CD8B2: variants seen among roughly 807,000 people sequenced by gnomAD.
CD8B2 encodes the protein T-cell surface glycoprotein CD8 beta-2 chain.
A neutral mutation model predicts 23.7 loss-of-function variants in CD8B2; 11 were observed. The ratio of observed to expected loss-of-function variants is 0.46; its 90% confidence interval spans 0.29 to 0.77. The LOEUF (loss-of-function observed/expected upper bound fraction) is 0.77. CD8B2 is among the 30% of genes least tolerant of loss of function. The probability of loss-of-function intolerance (pLI) is 0.09; values close to 1 mark genes in which losing one functional copy is unlikely to be tolerated. For missense variants in CD8B2, 197 were observed against 270.5 expected, an observed-to-expected ratio of 0.73 and a Z score of 1.91; for synonymous variants, 90 against 109.3, an observed-to-expected ratio of 0.82 and a Z score of 1.10.
At chr2:106,542,592 G>T (rs988192836) in intron 5 of CD8B2, among the ~76,000 whole-genome samples, 1 of 149,490 alleles carries the variant, frequency 6.7e-6, no homozygotes, top group South Asian at 2.1e-4. Flanking sequence ...AGGATGTAAA[G>T]AAATCCTTCC....
At chr2:106,531,614 G>A (rs949544551) in intron 5 of CD8B2, among the ~76,000 whole-genome samples, 4 of 152,252 alleles carry the variant, frequency 2.6e-5, no homozygotes, top group Middle Eastern at 3.4e-3. Flanking sequence ...AGGTCATGGG[G>A]TGGGAAATGT....
intron 3 of CD8B2, among the ~76,000 whole-genome samples, chr2:106,500,555 A>ATT (rs1237957454): frequency 6.1e-4 from 93 of 151,284 alleles, no homozygotes; most frequent in Admixed American, 1.8e-3. Flanking sequence ...TAAATAAATA[A>ATT]ATAAATAATT....
intron 2 of CD8B2, among the ~76,000 whole-genome samples, chr2:106,494,467 CTTTTCTTTTT>C (rs1679260953): frequency 1.4e-5 from 2 of 140,958 alleles, no homozygotes; most frequent in Non-Finnish European, 3.2e-5. Flanking sequence ...CTTTTCTTTT[CTTTTCTTTTT>C]TTTTTTCTGT....
intron 5 of CD8B2, among the ~76,000 whole-genome samples, chr2:106,504,857 G>C (rs1679475544): frequency 6.6e-6 from 1 of 152,126 alleles, no homozygotes; most frequent in Non-Finnish European, 1.5e-5. Flanking sequence ...GATCAGTGGA[G>C]AGACTACTGG....
chr2:106,522,763 G>A (rs1283924748), intron 5 of CD8B2, among the ~76,000 whole-genome samples: 1 of 152,166 alleles, frequency 6.6e-6, no homozygotes, highest in Middle Eastern at 3.2e-3. Flanking sequence ...TCCCTGAGCA[G>A]TTAATGTAGA....
chr2:106,536,390 AG>A (rs1680089675), intron 5 of CD8B2, among the ~76,000 whole-genome samples: 1 of 152,110 alleles, frequency 6.6e-6, no homozygotes, highest in Non-Finnish European at 1.5e-5. Context: ...ACAGCAGCAA[AG>A]GGAGAAATCC....
intron 2 of CD8B2, among the ~76,000 whole-genome samples, chr2:106,494,363 G>C (rs1471385534): frequency 6.6e-6 from 1 of 152,098 alleles, no homozygotes; most frequent in African/African-American, 2.4e-5. Context: ...GGCCAGGCTG[G>C]TCTTGGATTC....
At chr2:106,517,078 TATTTATTAATTTTAATATTC>T (rs1679740937) in intron 5 of CD8B2, among the ~76,000 whole-genome samples, 1 of 150,632 alleles carries the variant, frequency 6.6e-6, no homozygotes, top group Admixed American at 6.6e-5. Flanking sequence ...TCATTAATAA[TATTTATTAATTTTAATATTC>T]ATTTATTACT....
At position 106,510,247 on chromosome 2, in the gene CD8B2, G is replaced by A. The variant is rs145752315; in HGVS notation, c.*3307G>A. 6.6e-6 allele frequency: 1 copy of A among 152,154 alleles called. No individual in the cohort carries two copies. The highest frequency in any genetic ancestry group is 1.5e-5 in the Non-Finnish European group (1 of 68,024). The allele number at this position is 152,154 out of a possible 1,614,324, so 9.4% of individuals were successfully genotyped here. A position where few individuals can be genotyped will look rare whatever the true frequency, so the allele number is the denominator to read the frequency against. ...GGGAGCATGAGGTTTGAAGGTGAGCGTTTCTGCTTCTCAATCTGGGAATCA... is the reference window on the plus strand; with the variant it reads ...GGGAGCATGAGGTTTGAAGGTGAGCATTTCTGCTTCTCAATCTGGGAATCA... On this transcript the variant is annotated 3_prime_UTR_variant, in exon 6 of 6. Transcript: ENST00000643224.
Position 106,487,418 on chromosome 2 carries a change from C to A in CD8B2, c.-9C>A, listed in dbSNP as rs1199958522. 6 of 1,238,542 alleles carry A rather than the reference C, an allele frequency of 4.8e-6. No homozygotes were observed. The highest frequency in any genetic ancestry group is 4.7e-5 in the African/African-American group (3 of 64,208). The allele number at this position is 1,238,542 out of a possible 1,614,324, so 76.7% of individuals were successfully genotyped here. A position where few individuals can be genotyped will look rare whatever the true frequency, so the allele number is the denominator to read the frequency against. On this transcript the variant is annotated 5_prime_UTR_variant, in exon 1 of 6. Transcript: ENST00000643224. ...AGCCCCCGGGGCCAGGTGTCCCGGG[C>A]GCGCCCCGATGCGGCCGCGGCTGTG...
intron 4 of CD8B2, among the ~76,000 whole-genome samples, chr2:106,503,975 A>C (rs1174841605): frequency 1.3e-5 from 2 of 152,224 alleles, no homozygotes; most frequent in Non-Finnish European, 2.9e-5. Context: ...CAGACTCTGC[A>C]GCTGATTAAT....
Position 106,531,613 on chromosome 2 carries a change from G to T in CD8B2, c.621-12379G>T, listed in dbSNP as rs752442072. 7.4e-4 allele frequency among the ~76,000 whole-genome samples: 113 copies of T among 152,082 alleles called. 1 individual carries two copies. The highest frequency in any genetic ancestry group is 1.1e-3 in the Non-Finnish European group (73 of 68,014). ...CCTCTCAAGCCTGGTTAGGTCATGGGGTGGGAAATGTATGGGATTCACTAT... is the reference window on the plus strand; with the variant it reads ...CCTCTCAAGCCTGGTTAGGTCATGGTGTGGGAAATGTATGGGATTCACTAT... On this transcript the variant is annotated intron_variant, in intron 5 of 5. Transcript: ENST00000416057.
chr2:106,518,000 C>A (rs1573344162), intron 5 of CD8B2, among the ~76,000 whole-genome samples: 1 of 152,298 alleles, frequency 6.6e-6, no homozygotes, highest in East Asian at 1.9e-4. Context: ...AGGCGGGAGC[C>A]ACCGCGCCCA....
chr2:106,499,353 C>T (rs1472557352), intron 3 of CD8B2, among the ~76,000 whole-genome samples: 4 of 151,832 alleles, frequency 2.6e-5, no homozygotes, highest in African/African-American at 9.7e-5. Flanking sequence ...ATCAACATGG[C>T]GAAACCCGTC....
intron 5 of CD8B2, among the ~76,000 whole-genome samples, chr2:106,516,974 T>A (rs1679739105): frequency 6.7e-6 from 1 of 148,166 alleles, no homozygotes; most frequent in South Asian, 2.1e-4. Context: ...ATAATATATA[T>A]TTCATATATG....
At position 106,502,481 on chromosome 2, in the gene CD8B2, T is replaced by G. The variant is rs1487755326; in HGVS notation, c.501T>G (p.Leu167=). Residue 167 remains leucine, a synonymous_variant, in exon 4 of 6, where the codon CTT becomes CTG. Transcript: ENST00000643224. ...CACATGTGTGTTTTCCAGGCCCACT[T>G]TGTAGCCCCGTCACCCTTGGCCTGC... is the stretch of plus-strand genomic sequence containing the variant. ...LPRPETQKGP[L]CSPVTLGLLV... The G allele has an allele frequency of 7.6e-5, 119 of 1,569,814 alleles. No individual in the cohort carries two copies. Among genetic ancestry groups the G allele is most frequent in the Non-Finnish European group, 1.0e-4 (117 of 1,154,856 alleles).
chr2:106,499,361 G>A (rs148115830), intron 3 of CD8B2, among the ~76,000 whole-genome samples: 337 of 151,982 alleles, frequency 2.2e-3, no homozygotes, highest in Non-Finnish European at 4.2e-3. Flanking sequence ...GGCGAAACCC[G>A]TCTCCACTAA....
intron 5 of CD8B2, among the ~76,000 whole-genome samples, chr2:106,531,008 G>A (rs1425916389): frequency 6.6e-6 from 1 of 152,196 alleles, no homozygotes; most frequent in Non-Finnish European, 1.5e-5. Context: ...AGTAGCCCTC[G>A]GGGCTGCACT....
At position 106,508,590 on chromosome 2, in the gene CD8B2, A is replaced by G. The variant is rs1305491342; in HGVS notation, c.*1650A>G. The G allele has an allele frequency of 6.6e-6, 1 of 152,216 alleles. No individual in the cohort carries two copies. The highest frequency in any genetic ancestry group is 1.5e-5 in the Non-Finnish European group (1 of 68,052). The allele number at this position is 152,216 out of a possible 1,614,324, so 9.4% of individuals were successfully genotyped here. ...AAGGAAGAATTTATTGAAGTGAGAAAGCACTCCACATGGTAGGAGTGGACC... is the reference window on the plus strand; with the variant it reads ...AAGGAAGAATTTATTGAAGTGAGAAGGCACTCCACATGGTAGGAGTGGACC... On this transcript the variant is annotated 3_prime_UTR_variant, in exon 6 of 6. Coordinates refer to ENST00000643224, the MANE Select transcript of CD8B2 (RefSeq NM_001349727.2).
Sources: gnomAD v4.1 joint callset for allele counts (sites outside exome capture counted in the v4.1 genomes callset) on GRCh38, gnomAD v4.1.1 for gene constraint, MANE v1.5 for transcripts, NCBI Gene and HGNC (gene_info 2026-07-23, HGNC 2026-07-21) for gene names.